TMC1: variants seen among roughly 807,000 people sequenced by gnomAD.
TMC1 encodes the protein transmembrane channel-like protein 1.
In TMC1, 84 loss-of-function variants were observed where a neutral mutation model predicts 105.8. The ratio of observed to expected loss-of-function variants is 0.79; its 90% CI spans 0.67 to 0.95. The LOEUF (loss-of-function observed/expected upper bound fraction) is 0.95, where lower values mean the gene tolerates loss of function less well. TMC1 is among the 40% of genes least tolerant of loss of function. The pLI, the probability that TMC1 is intolerant of heterozygous loss-of-function variation, is 0.00. For missense variants in TMC1, 817 were observed against 914.1 expected, an observed-to-expected ratio of 0.89 and a Z score of 1.37; for synonymous variants, 315 against 311.5, an observed-to-expected ratio of 1.01 and a Z score of -0.12.
At chr9:72,714,368 A>G (rs190189036) in intron 8 of TMC1, among the ~76,000 whole-genome samples, 127 of 152,202 alleles carry the variant, frequency 8.3e-4, no homozygotes, top group African/African-American at 3.0e-3. Flanking sequence ...GTGGGGTGTT[A>G]AAGTCTCATG....
At chr9:72,569,494 A>T (rs1824231338) in intron 1 of TMC1, among the ~76,000 whole-genome samples, 1 of 152,206 alleles carries the variant, frequency 6.6e-6, no homozygotes, top group South Asian at 2.1e-4. Flanking sequence ...CGAAATGGAC[A>T]TATGTATGGA....
At chr9:72,835,911 CCTT>C (rs958373163) in intron 23 of TMC1, 37 bp from the exon 24 acceptor site, 10 of 1,522,584 alleles carry the variant, frequency 6.6e-6, no homozygotes, top group Middle Eastern at 1.7e-4. Context: ...CTCTCTCTCT[CCTT>C]GTTTTTTTTT....
chr9:72,804,880 C>T (rs1195632482), intron 17 of TMC1, among the ~76,000 whole-genome samples: 2 of 152,142 alleles, frequency 1.3e-5, no homozygotes, highest in African/African-American at 4.8e-5. Context: ...TCAATTTTAA[C>T]GGACCGTTTG....
Position 72,816,297 on chromosome 9 carries a change from A to G in TMC1, c.1763+87A>G, listed in dbSNP as rs1319379173. ...CAGCATTGAATCCTGGTGTTAGAGG[A>G]GAATACAATCGGTGTCTAACTCCAT... On this transcript the variant is annotated intron_variant, in intron 19 of 23. Coordinates refer to ENST00000297784, the MANE Select transcript of TMC1 (RefSeq NM_138691.3). 1.1e-5 allele frequency: 14 copies of G among 1,303,732 alleles called. No individual in the cohort carries two copies. The African/African-American group carries it at 1.9e-4, about 18-fold the overall frequency. The allele number at this position is 1,303,732 out of a possible 1,614,324, so 80.8% of individuals were successfully genotyped here. A position where few individuals can be genotyped will look rare whatever the true frequency, so the allele number is the denominator to read the frequency against.
At chr9:72,538,729 T>C (rs939367996) in intron 1 of TMC1, among the ~76,000 whole-genome samples, 4 of 152,208 alleles carry the variant, frequency 2.6e-5, no homozygotes, top group Non-Finnish European at 5.9e-5. Context: ...ATTACAGGCA[T>C]GAGCCACCAC....
intron 5 of TMC1, among the ~76,000 whole-genome samples, chr9:72,654,651 T>C (rs1346942609): frequency 1.3e-5 from 2 of 152,196 alleles, no homozygotes; most frequent in Non-Finnish European, 2.9e-5. Context: ...ATTGTTTTCA[T>C]GCATTTTATT....
At chr9:72,535,566 C>T (rs895474525) in intron 1 of TMC1, among the ~76,000 whole-genome samples, 1 of 152,158 alleles carries the variant, frequency 6.6e-6, no homozygotes, top group Non-Finnish European at 1.5e-5. Flanking sequence ...AAATTGCAGC[C>T]ACTCATCCTG....
rs1416667481 is a variant in TMC1 at position 72,826,872 on chromosome 9, C to G, written c.2007C>G (p.Gly669=). ...PPSFDCGPFS[G]KNRMFEVIGE... ...TCCCCCTTTTTAATTCCCCCAGTGG[C>G]AAAAATAGAATGTTTGAAGTCATTG... is the stretch of plus-strand genomic sequence containing the variant. The change falls in exon 21 of 24, where the codon GGC becomes GGG. Residue 669 remains glycine (G), a synonymous_variant. Transcript: ENST00000297784. 4 of 1,613,790 alleles carry G rather than the reference C, an allele frequency of 2.5e-6. No homozygotes were observed. The highest frequency in any genetic ancestry group is 3.4e-6 in the Non-Finnish European group (4 of 1,179,856).
At position 72,576,513 on chromosome 9, in the gene TMC1, CTG is replaced by C. The variant is rs200264666; in HGVS notation, c.-427-1387_-427-1386del. Among the ~76,000 whole-genome samples the C allele has an allele frequency of 7.2e-3, 1,090 of 152,168 alleles. 17 individuals are homozygous for C. Among genetic ancestry groups the C allele is most frequent in the African/African-American group, 0.025 (1,050 of 41,508 alleles). ...ACGGAGCTCCTTCTTGTGCCAACGA[CTG>C]TACACAGAGCTGGGATGTCAAGATG... On this transcript the variant is annotated intron_variant, in intron 1 of 23. Coordinates refer to ENST00000297784, the MANE Select transcript of TMC1 (RefSeq NM_138691.3).
At chr9:72,804,892 A>G (rs552481683) in intron 17 of TMC1, among the ~76,000 whole-genome samples, 2 of 152,254 alleles carry the variant, frequency 1.3e-5, no homozygotes, top group African/African-American at 2.4e-5. Flanking sequence ...GACCGTTTGT[A>G]TATGTTCTTC....
intron 20 of TMC1, among the ~76,000 whole-genome samples, chr9:72,821,657 T>C (rs1212762684): frequency 2.0e-5 from 3 of 152,234 alleles, no homozygotes; most frequent in African/African-American, 2.4e-5. Flanking sequence ...GGGTAAAATA[T>C]GTATGGTGAA....
At chr9:72,793,243 C>T (rs529032306) in intron 17 of TMC1, among the ~76,000 whole-genome samples, 29 of 152,296 alleles carry the variant, frequency 1.9e-4, no homozygotes, top group African/African-American at 7.0e-4. Context: ...CAACCACACC[C>T]CTTAGAAAAG....
chr9:72,646,231 A>G (rs1477421751), intron 4 of TMC1, among the ~76,000 whole-genome samples: 2 of 152,182 alleles, frequency 1.3e-5, no homozygotes, highest in Non-Finnish European at 2.9e-5. Flanking sequence ...TGCTACTAAT[A>G]TAAATAGTAT....
chr9:72,777,908 TC>T (rs975682118), intron 13 of TMC1, among the ~76,000 whole-genome samples: 3 of 152,224 alleles, frequency 2.0e-5, no homozygotes, highest in African/African-American at 7.2e-5. Context: ...TGAGGCTCTT[TC>T]CAGTGCTAAG....
chr9:72,802,254 TATACATACATAC>T (rs33965711), intron 17 of TMC1, among the ~76,000 whole-genome samples: 10 of 149,278 alleles, frequency 6.7e-5, no homozygotes, highest in South Asian at 2.1e-4. Context: ...TACATACATA[TATACATACATAC>T]ATACATACAT....
rs555512739 is a variant in TMC1, at chr9:72,649,924, A to T, written c.16+1260A>T. 7.2e-5 allele frequency among the ~76,000 whole-genome samples: 11 copies of T among 152,338 alleles called. No individual in the cohort carries two copies. In the East Asian group the frequency reaches 1.9e-3, roughly 27 times the overall value. ...ATCTGCTCAGGCTATCTTAATTGCC[A>T]ACCATCTCATTAAGCAAGTCAAATT... is the stretch of plus-strand genomic sequence containing the variant. On this transcript the variant is annotated intron_variant, in intron 5 of 23. Coordinates refer to ENST00000297784, the MANE Select transcript of TMC1 (RefSeq NM_138691.3).
At chr9:72,811,231 T>G (rs1480883231) in intron 18 of TMC1, among the ~76,000 whole-genome samples, 3 of 152,162 alleles carry the variant, frequency 2.0e-5, no homozygotes, top group Non-Finnish European at 4.4e-5. Flanking sequence ...TAAGCTGGGT[T>G]AAAAGGGATT....
chr9:72,798,674 G>A (rs1828415047), intron 17 of TMC1, among the ~76,000 whole-genome samples: 1 of 151,954 alleles, frequency 6.6e-6, no homozygotes, highest in Non-Finnish European at 1.5e-5. Flanking sequence ...CAGACACTGG[G>A]GTCTACTTGA....
intron 5 of TMC1, among the ~76,000 whole-genome samples, chr9:72,683,040 G>A (rs181212468): frequency 2.2e-4 from 33 of 152,252 alleles, no homozygotes; most frequent in Admixed American, 1.4e-3. Context: ...GAAAGTCTGC[G>A]CCCATGATCC....
Sources: gnomAD v4.1 joint callset for allele counts (sites outside exome capture counted in the v4.1 genomes callset) on GRCh38, gnomAD v4.1.1 for gene constraint, MANE v1.5 for transcripts, NCBI Gene and HGNC (gene_info 2026-07-23, HGNC 2026-07-21) for gene names.